Variants in COL18A1 observed in about 807,000 individuals in gnomAD.
The protein encoded by COL18A1 is collagen alpha-1(XVIII) chain.
COL18A1 carries 133 observed loss-of-function variants against 168.0 expected under a neutral mutation model. That is an observed-to-expected ratio of 0.79 (90% CI 0.69 to 0.91). COL18A1 has a LOEUF of 0.91. Ranked by LOEUF, COL18A1 falls within the 40% of genes least tolerant of loss-of-function variation. The pLI, the probability that COL18A1 is intolerant of heterozygous loss-of-function variation, is 0.00. For missense variants in COL18A1, 2,126 were observed against 1,925.4 expected (o/e 1.10, Z -1.95); for synonymous variants, 949 against 809.0 (o/e 1.17, Z -2.94).
At chr21:45,500,250 AGT>A (rs1453296890) in intron 32 of COL18A1, among the ~76,000 whole-genome samples, 1 of 65,062 alleles carries the variant, frequency 1.5e-5, no homozygotes, top group Non-Finnish European at 2.9e-5. Context: ...GGGTGTGTGG[AGT>A]GTGCATATGT....
In COL18A1 at chr21:45,480,454, C is replaced by T. The variant is rs2035853712; in HGVS notation, c.1399-13C>T. On this transcript the variant is annotated splice_polypyrimidine_tract_variant and intron_variant, in intron 11 of 41. Coordinates refer to ENST00000651438, the MANE Select transcript of COL18A1 (RefSeq NM_001379500.1). Reference sequence around the variant, plus strand: ...AGCTCAGGGCAACGTGTCTCTCCGGCTCTTTTCCTCAGACCTTCATTGACA... The same window carrying T: ...AGCTCAGGGCAACGTGTCTCTCCGGTTCTTTTCCTCAGACCTTCATTGACA... 4 of 1,614,138 alleles carry T rather than the reference C, an allele frequency of 2.5e-6. No individual in the cohort carries two copies. Among genetic ancestry groups the T allele is most frequent in the Non-Finnish European group, 3.4e-6 (4 of 1,180,030 alleles).
In COL18A1 at chr21:45,497,037, C is replaced by A; in HGVS notation, c.2578-13C>A. 6.3e-7 allele frequency: 1 copy of A among 1,599,066 alleles called. No homozygotes were observed. Among genetic ancestry groups the A allele is most frequent in the East Asian group, 2.2e-5 (1 of 44,826 alleles). Reference sequence around the variant, plus strand: ...CATCGCCCTCAGCAGCCGCCTCTCCCCGTTCCTTGCAGGTGTTTGCTGAGT... The same window carrying A: ...CATCGCCCTCAGCAGCCGCCTCTCCACGTTCCTTGCAGGTGTTTGCTGAGT... On this transcript the variant is annotated splice_polypyrimidine_tract_variant and intron_variant, in intron 30 of 41. Transcript: ENST00000651438.
At chr21:45,487,582 G>C in intron 17 of COL18A1, 73 bp downstream of exon 17, 1 of 1,582,300 alleles carries the variant, frequency 6.3e-7, no homozygotes, top group Admixed American at 1.7e-5. Flanking sequence ...GAGTGTCCCT[G>C]AGAGCCACCG....
rs1254295037 is a variant in COL18A1 at position 45,438,092 on chromosome 21, ACACT to A, written c.107-30146_107-30143del. 6.1e-4 allele frequency among the ~76,000 whole-genome samples: 57 copies of A among 93,604 alleles called. 2 individuals carry two copies. The highest frequency in any genetic ancestry group is 6.3e-3 in the Middle Eastern group (1 of 158). The allele number at this position is 93,604 out of a possible 152,430, so 61.4% of individuals were successfully genotyped here. On this transcript the variant is annotated intron_variant, in intron 2 of 41. Coordinates refer to ENST00000651438, the MANE Select transcript of COL18A1 (RefSeq NM_001379500.1). ...CACTCAGACAAGCACTCTCCTGCAC[ACACT>A]CACACTCACACTCAGACACACAGGC...
chr21:45,426,484 C>T (rs919642044), intron 2 of COL18A1, among the ~76,000 whole-genome samples: 1 of 152,210 alleles, frequency 6.6e-6, no homozygotes, highest in East Asian at 1.9e-4. Flanking sequence ...CGTCCACACC[C>T]TCCTCGCCGA....
intron 2 of COL18A1, chr21:45,456,732 C>G (rs968094447): frequency 5.9e-6 from 9 of 1,534,026 alleles, no homozygotes; most frequent in Non-Finnish European, 7.9e-6. Context: ...GGCAGCGTCC[C>G]GCCGCCCGCC....
Position 45,423,356 on chromosome 21 carries a change from G to T in COL18A1, c.106+17883G>T, listed in dbSNP as rs994908993. On this transcript the variant is annotated intron_variant, in intron 2 of 41. Transcript: ENST00000651438. This position sits in a 1 kb window ranked among gnomAD's most constrained non-coding sequence, Gnocchi z 4.0. ...CTTGCTGTGCTGGGGTACATTCCCC[G>T]AGCTTCCACAGTTTCCCTTTCCTTG... 1.3e-5 allele frequency among the ~76,000 whole-genome samples: 2 copies of T among 152,176 alleles called. No individual in the cohort carries two copies. The highest frequency in any genetic ancestry group is 2.4e-5 in the African/African-American group (1 of 41,426).
intron 2 of COL18A1, among the ~76,000 whole-genome samples, chr21:45,466,306 G>A (rs1402096841): frequency 6.6e-6 from 1 of 152,188 alleles, no homozygotes; most frequent in Admixed American, 6.5e-5. Flanking sequence ...ATTTAAAGGG[G>A]CCTCTGTTAA....
Position 45,490,299 on chromosome 21 carries a change from C to T in COL18A1, c.1984C>T (p.Pro662Ser). 1.9e-6 allele frequency: 3 copies of T among 1,587,278 alleles called. No homozygotes were observed. The highest frequency in any genetic ancestry group is 2.3e-5 in the South Asian group (2 of 87,272). ...AKGEVGADGV[P>S]GFPGLPGREG... ...GGGAGAAGTTGGAGCAGATGGAGTCCCCGGGTTCCCCGGCCTCCCTGGCAG... is the reference window on the plus strand; with the variant it reads ...GGGAGAAGTTGGAGCAGATGGAGTCTCCGGGTTCCCCGGCCTCCCTGGCAG... The change falls in exon 20 of 42, where the codon CCC (proline) becomes TCC (serine). Residue 662 changes from proline to serine, a missense_variant. Transcript: ENST00000651438.
intron 2 of COL18A1, among the ~76,000 whole-genome samples, chr21:45,437,527 G>C (rs111213115): frequency 0.018 from 22 of 1,254 alleles, no homozygotes; most frequent in East Asian, 0.042. Context: ...CACACACTCA[G>C]ACACACAGGC....
intron 26 of COL18A1, chr21:45,493,920 C>T (rs904982538): frequency 2.9e-6 from 1 of 346,030 alleles, no homozygotes; most frequent in African/African-American, 2.1e-5. Context: ...CAGCAGGTTT[C>T]TGGCTGCCCC....
At chr21:45,479,244 C>T (rs368509501) in intron 9 of COL18A1, among the ~76,000 whole-genome samples, 1 of 151,970 alleles carries the variant, frequency 6.6e-6, no homozygotes, top group South Asian at 2.1e-4. Context: ...ACATATCACA[C>T]ACCACACATT....
Position 45,497,644 on chromosome 21 carries a change from GC to G in COL18A1, c.2673del (p.Gly892AspfsTer17), listed in dbSNP as rs749009747. 9.6e-6 allele frequency: 15 copies of G among 1,568,464 alleles called. No individual in the cohort carries two copies. Among genetic ancestry groups the G allele is most frequent in the Admixed American group, 5.6e-5 (3 of 53,546 alleles). ...CCCAAGGGCGCCAAAGGAGAAGTGG[GC>G]CCCCCCGGACCACCAGGTGAGCAAC... Reference protein sequence around the residue: ...PGPKGAKGEVGPPGPPGQFPF... With the variant: ...PGPKGAKGEVXPPGPPGQFPF... On this transcript the variant is annotated frameshift_variant, in exon 32 of 42. Transcript: ENST00000651438. LOFTEE classifies it high-confidence loss of function.
intron 3 of COL18A1, among the ~76,000 whole-genome samples, chr21:45,469,383 G>T (rs1309912031): frequency 6.6e-6 from 1 of 152,248 alleles, no homozygotes. Context: ...CTGCACACCC[G>T]CTGGGACCAG....
intron 29 of COL18A1, chr21:45,495,850 C>T (rs914100085): frequency 1.5e-5 from 5 of 324,664 alleles, no homozygotes; most frequent in Non-Finnish European, 3.0e-5. Context: ...TATACATACA[C>T]TCATACATGT....
rs1441082916 is a variant in COL18A1, at chr21:45,457,389, C to A, written c.107-10853C>A. Reference sequence around the variant, plus strand: ...TGCAGAGACCCTACCAGCGTGGGGACCAGGGAGGTCTGCAGGGCCCGTCCT... The same window carrying A: ...TGCAGAGACCCTACCAGCGTGGGGAACAGGGAGGTCTGCAGGGCCCGTCCT... On this transcript the variant is annotated intron_variant, in intron 2 of 41. Coordinates refer to ENST00000651438, the MANE Select transcript of COL18A1 (RefSeq NM_001379500.1). The surrounding 1 kb of genome is among the most constrained non-coding windows in gnomAD (Gnocchi z 4.6). 1.3e-5 allele frequency among the ~76,000 whole-genome samples: 2 copies of A among 152,174 alleles called. No homozygotes were observed. Among genetic ancestry groups the A allele is most frequent in the East Asian group, 3.9e-4 (2 of 5,190 alleles).
intron 2 of COL18A1, among the ~76,000 whole-genome samples, chr21:45,431,241 G>A (rs2033950338): frequency 6.6e-6 from 1 of 152,174 alleles, no homozygotes; most frequent in African/African-American, 2.4e-5. Flanking sequence ...AAGGACAGAG[G>A]GTCAGTGTTT....
chr21:45,437,122 GAC>G (rs1491481872), intron 2 of COL18A1, among the ~76,000 whole-genome samples: 3 of 54,360 alleles, frequency 5.5e-5, no homozygotes, highest in South Asian at 1.0e-3. Context: ...CTCACACACA[GAC>G]ACACAGGCAC....
chr21:45,436,373 G>C (rs1196623822), intron 2 of COL18A1, among the ~76,000 whole-genome samples: 2 of 152,202 alleles, frequency 1.3e-5, no homozygotes, highest in Non-Finnish European at 1.5e-5. Context: ...GCGTGAGCTG[G>C]GCAGGGACGA....
Sources: gnomAD v4.1 joint callset for allele counts (sites outside exome capture counted in the v4.1 genomes callset) on GRCh38, gnomAD v4.1.1 for gene constraint, Gnocchi (gnomAD v3.1) non-coding constraint, MANE v1.5 for transcripts, NCBI Gene and HGNC (gene_info 2026-07-23, HGNC 2026-07-21) for gene names.